KCNH7: variants seen among roughly 807,000 people sequenced by gnomAD.
KCNH7 encodes potassium voltage-gated channel subfamily H member 7, also known as voltage-gated inwardly rectifying potassium channel KCNH7.
KCNH7 carries 49 observed loss-of-function variants against 120.8 expected under a neutral mutation model. The observed-to-expected ratio is 0.41, with a 90% CI of 0.32 to 0.51. The LOEUF (loss-of-function observed/expected upper bound fraction) is 0.51, where lower values mean the gene tolerates loss of function less well. Among genes scored for constraint, KCNH7 ranks in the 20% least tolerant of loss-of-function variants. The probability of loss-of-function intolerance (pLI) is 0.38; values close to 1 mark genes in which losing one functional copy is unlikely to be tolerated. For synonymous variants in KCNH7, 547 were observed against 516.1 expected, an observed-to-expected ratio of 1.06 and a Z score of -0.81; for missense variants, 1,097 against 1,446.6, an observed-to-expected ratio of 0.76 and a Z score of 3.92.
intron 6 of KCNH7, among the ~76,000 whole-genome samples, chr2:162,477,949 C>T (rs955123615): frequency 1.8e-5 from 2 of 113,340 alleles, no homozygotes; most frequent in South Asian, 5.4e-4. Flanking sequence ...GGAACTTAGT[C>T]ACTAGTGGGG....
chr2:162,599,736 A>G (rs1373879897), intron 2 of KCNH7, among the ~76,000 whole-genome samples: 1 of 151,514 alleles, frequency 6.6e-6, no homozygotes, highest in African/African-American at 2.4e-5. Context: ...TCATTGGTTT[A>G]TTAACAAAAT....
At chr2:162,463,902 A>G (rs1364876039) in intron 6 of KCNH7, among the ~76,000 whole-genome samples, 1 of 151,892 alleles carries the variant, frequency 6.6e-6, no homozygotes, top group Admixed American at 6.6e-5. Context: ...TAATTATGAT[A>G]TGTTTATCCA....
At chr2:162,480,280 C>T (rs1188187121) in intron 6 of KCNH7, among the ~76,000 whole-genome samples, 1 of 152,092 alleles carries the variant, frequency 6.6e-6, no homozygotes, top group African/African-American at 2.4e-5. Context: ...CAGGAAGCTC[C>T]TCACAATTGT....
Position 162,805,742 on chromosome 2 carries a change from C to T in KCNH7, c.307+30795G>A, listed in dbSNP as rs538760857. Among the ~76,000 whole-genome samples the T allele has an allele frequency of 7.2e-5, 11 of 152,004 alleles. No homozygotes were observed. The South Asian group carries it at 1.5e-3, about 20-fold the overall frequency. Reference sequence around the variant, plus strand: ...GCAATTCCACTACTGGATATCTATCCAAATGAAAATAAGAAATTATAAGAA... The same window carrying T: ...GCAATTCCACTACTGGATATCTATCTAAATGAAAATAAGAAATTATAAGAA... On this transcript the variant is annotated intron_variant, in intron 2 of 15. Coordinates refer to ENST00000332142, the MANE Select transcript of KCNH7 (RefSeq NM_033272.4).
rs1288927767 is a variant in KCNH7 at position 162,423,715 on chromosome 2, G to C, written c.1955-180C>G. 2.0e-5 allele frequency among the ~76,000 whole-genome samples: 3 copies of C among 152,126 alleles called. No individual in the cohort carries two copies. The East Asian group carries it at 5.8e-4, about 29-fold the overall frequency. On this transcript the variant is annotated intron_variant, in intron 8 of 15. Coordinates refer to ENST00000332142, the MANE Select transcript of KCNH7 (RefSeq NM_033272.4). The stretch of plus-strand genomic sequence containing the variant: ...TACATTTCATAATTTTAGTGATAAA[G>C]CTGGAGAGGGAAAGTATCCAAATTC...
intron 2 of KCNH7, among the ~76,000 whole-genome samples, chr2:162,813,719 AAT>A (rs1449184526): frequency 2.0e-5 from 3 of 152,212 alleles, no homozygotes; most frequent in Non-Finnish European, 4.4e-5. Flanking sequence ...ATATCACAGA[AAT>A]ATTTAATAAA....
intron 5 of KCNH7, 76 bp downstream of exon 5, chr2:162,512,578 T>A: frequency 7.5e-7 from 1 of 1,327,352 alleles, no homozygotes; most frequent in Non-Finnish European, 1.1e-6. Flanking sequence ...GAACAGGGCA[T>A]ACAGCAGGCA....
chr2:162,822,368 C>T (rs113748238), intron 2 of KCNH7, among the ~76,000 whole-genome samples: 5 of 152,132 alleles, frequency 3.3e-5, no homozygotes, highest in South Asian at 2.1e-4. Flanking sequence ...AATGTAAACA[C>T]GGTCCTCACA....
At chr2:162,429,964 C>T (rs1473675113) in intron 8 of KCNH7, among the ~76,000 whole-genome samples, 1 of 147,242 alleles carries the variant, frequency 6.8e-6, no homozygotes, top group Non-Finnish European at 1.5e-5. Context: ...TCACATTTTT[C>T]TGTTTCTTAT....
At chr2:162,442,326 G>A (rs925980036) in intron 7 of KCNH7, among the ~76,000 whole-genome samples, 19 of 151,598 alleles carry the variant, frequency 1.3e-4, no homozygotes, top group African/African-American at 4.4e-4. Context: ...GCGCCCGGCC[G>A]TGACATGTCT....
rs868831861 is a variant in KCNH7 at position 162,607,246 on chromosome 2, C to T, written c.308-70166G>A. Reference sequence around the variant, plus strand: ...AAAAAAAAAAAAAAAAAAAAATAGCCGAGCATGGTGCTGCGCACCTGTAGT... The same window carrying T: ...AAAAAAAAAAAAAAAAAAAAATAGCTGAGCATGGTGCTGCGCACCTGTAGT... On this transcript the variant is annotated intron_variant, in intron 2 of 15. Coordinates refer to ENST00000332142, the MANE Select transcript of KCNH7 (RefSeq NM_033272.4). Among the ~76,000 whole-genome samples the T allele has an allele frequency of 2.9e-4, 44 of 149,740 alleles. 1 individual carries two copies. In the Middle Eastern group the frequency reaches 0.024, roughly 82 times the overall value.
chr2:162,569,782 T>C (rs1224415568), intron 2 of KCNH7, among the ~76,000 whole-genome samples: 1 of 149,588 alleles, frequency 6.7e-6, no homozygotes, highest in Non-Finnish European at 1.5e-5. Flanking sequence ...TTCATTTCGT[T>C]ATGTACCCAG....
intron 2 of KCNH7, among the ~76,000 whole-genome samples, chr2:162,631,441 G>A (rs1226917668): frequency 6.6e-6 from 1 of 152,018 alleles, no homozygotes; most frequent in Non-Finnish European, 1.5e-5. Context: ...AAATGTATCT[G>A]AACTGTTTCT....
chr2:162,688,475 C>T (rs1685977425), intron 2 of KCNH7, among the ~76,000 whole-genome samples: 1 of 152,030 alleles, frequency 6.6e-6, no homozygotes, highest in Non-Finnish European at 1.5e-5. Flanking sequence ...AATAGGGAAC[C>T]CAAAAAGGTT....
chr2:162,386,017 G>A (rs979241085), intron 12 of KCNH7, among the ~76,000 whole-genome samples: 3 of 151,870 alleles, frequency 2.0e-5, no homozygotes, highest in African/African-American at 7.2e-5. Flanking sequence ...ATGCGAAATT[G>A]TTATTGAGGA....
intron 2 of KCNH7, among the ~76,000 whole-genome samples, chr2:162,583,234 T>C (rs914851862): frequency 5.5e-4 from 84 of 152,140 alleles, no homozygotes; most frequent in African/African-American, 2.0e-3. Flanking sequence ...AGATGGTTAG[T>C]AGCAAGAGAA....
chr2:162,375,836 T>C, intron 14 of KCNH7, among the ~76,000 whole-genome samples: 1 of 146,852 alleles, frequency 6.8e-6, no homozygotes, highest in East Asian at 2.0e-4. Flanking sequence ...GGCTTGAGCC[T>C]GGGAGATTGC....
intron 2 of KCNH7, among the ~76,000 whole-genome samples, chr2:162,687,648 C>T (rs1685943866): frequency 1.3e-5 from 2 of 152,078 alleles, no homozygotes; most frequent in Non-Finnish European, 2.9e-5. Context: ...CAAATCACAA[C>T]TCCCCCTGCC....
At chr2:162,621,654 A>C (rs1368658487) in intron 2 of KCNH7, among the ~76,000 whole-genome samples, 2 of 152,092 alleles carry the variant, frequency 1.3e-5, no homozygotes, top group African/African-American at 4.8e-5. Flanking sequence ...TTCAGTACTT[A>C]CTCTGTGCCA....
Sources: gnomAD v4.1 joint callset for allele counts (sites outside exome capture counted in the v4.1 genomes callset) on GRCh38, gnomAD v4.1.1 for gene constraint, MANE v1.5 for transcripts, NCBI Gene and HGNC (gene_info 2026-07-23, HGNC 2026-07-21) for gene names.